The following EPS15 variants were observed in gnomAD, a reference collection of about 807,000 sequenced individuals.
The protein encoded by EPS15 is epidermal growth factor receptor pathway substrate 15, also known as epidermal growth factor receptor substrate 15.
EPS15 carries 72 observed loss-of-function variants against 113.8 expected under a neutral mutation model. That is an observed-to-expected ratio of 0.63 (90% CI 0.52 to 0.77). EPS15 has a LOEUF of 0.77. Among genes scored for constraint, EPS15 ranks in the 30% least tolerant of loss-of-function variants. EPS15 has a pLI of 0.00. For missense variants in EPS15, 1,048 were observed against 1,045.8 expected, an observed-to-expected ratio of 1.00 and a Z score of -0.03; for synonymous variants, 344 against 363.4, an observed-to-expected ratio of 0.95 and a Z score of 0.61.
chr1:51,371,772 G>A (rs1642927886), intron 21 of EPS15, among the ~76,000 whole-genome samples: 1 of 152,206 alleles, frequency 6.6e-6, no homozygotes, highest in Admixed American at 6.5e-5. Flanking sequence ...GTACAGTGAT[G>A]TCTTGGGCCT....
chr1:51,473,827 A>C (rs1198905133), intron 2 of EPS15, among the ~76,000 whole-genome samples: 2 of 152,220 alleles, frequency 1.3e-5, no homozygotes, highest in African/African-American at 4.8e-5. Flanking sequence ...AAGAAGCAAA[A>C]GGGAAAACCT....
intron 15 of EPS15, 104 bp from the exon 16 acceptor site, chr1:51,406,212 A>G: frequency 2.2e-6 from 2 of 921,102 alleles, no homozygotes; most frequent in Middle Eastern, 3.3e-4. Context: ...GTGGTAGCTC[A>G]TGCCTATAAT....
At chr1:51,399,324 G>C (rs1648281696) in intron 19 of EPS15, among the ~76,000 whole-genome samples, 159 bp from the exon 20 acceptor site, 1 of 149,952 alleles carries the variant, frequency 6.7e-6, no homozygotes, top group African/African-American at 2.5e-5. Flanking sequence ...GCTGAGACAG[G>C]CAGATCACTT....
chr1:51,465,217 G>C (rs752202228), intron 6 of EPS15, 44 bp downstream of exon 6: 1 of 1,182,794 alleles, frequency 8.5e-7, no homozygotes, highest in Non-Finnish European at 1.3e-6. Context: ...AGAGTAGATA[G>C]GAAGCAATGA....
At chr1:51,455,149 A>G (rs530225367) in intron 8 of EPS15, among the ~76,000 whole-genome samples, 1 of 152,370 alleles carries the variant, frequency 6.6e-6, no homozygotes, top group East Asian at 1.9e-4. Flanking sequence ...CTAATAAAAC[A>G]AAGAACTATT....
chr1:51,452,321 T>TCA (rs1557483788), intron 8 of EPS15, among the ~76,000 whole-genome samples: 1 of 152,192 alleles, frequency 6.6e-6, no homozygotes, highest in Non-Finnish European at 1.5e-5. Flanking sequence ...CTCACTCTGT[T>TCA]GCCCAGGCTG....
At chr1:51,484,183 T>C (rs886143397) in intron 1 of EPS15, among the ~76,000 whole-genome samples, 2 of 152,208 alleles carry the variant, frequency 1.3e-5, no homozygotes, top group Non-Finnish European at 2.9e-5. Context: ...TGCCCTGGTA[T>C]GCCCAGGAAA....
chr1:51,369,400 GA>G (rs1180513157), intron 21 of EPS15, among the ~76,000 whole-genome samples: 1 of 152,148 alleles, frequency 6.6e-6, no homozygotes, highest in Non-Finnish European at 1.5e-5. Context: ...CACTTTTAGA[GA>G]AACCATGCAG....
intron 1 of EPS15, among the ~76,000 whole-genome samples, chr1:51,502,959 TCCATG>T (rs1227093673): frequency 6.9e-6 from 1 of 145,336 alleles, no homozygotes. Flanking sequence ...TGAGCCAAGA[TCCATG>T]CCACTGAACT....
At chr1:51,379,489 A>C (rs2148377632) in intron 21 of EPS15, among the ~76,000 whole-genome samples, 1 of 152,310 alleles carries the variant, frequency 6.6e-6, no homozygotes, top group South Asian at 2.1e-4. Context: ...AATATATTGA[A>C]GGGTTCGAAA....
chr1:51,375,436 G>A (rs1053123175), intron 21 of EPS15, among the ~76,000 whole-genome samples: 1 of 152,040 alleles, frequency 6.6e-6, no homozygotes, highest in African/African-American at 2.4e-5. Flanking sequence ...CCCCTGTTCC[G>A]TAGGATCAAT....
intron 16 of EPS15, 130 bp from the exon 17 acceptor site, chr1:51,403,662 CCTT>C: frequency 1.9e-6 from 1 of 518,652 alleles, no homozygotes; most frequent in Middle Eastern, 4.7e-4. Flanking sequence ...AATAACTTCT[CCTT>C]CTATAATCTT....
At chr1:51,423,696 A>C (rs1650971531) in intron 12 of EPS15, 1 of 985,300 alleles carries the variant, frequency 1.0e-6, no homozygotes, top group African/African-American at 1.7e-5. Context: ...TGTCACTGAC[A>C]GTGTCTGCTC....
chr1:51,508,342 A>AAGAG (rs1553139587), intron 1 of EPS15, among the ~76,000 whole-genome samples: 44 of 102,830 alleles, frequency 4.3e-4, no homozygotes, highest in African/African-American at 5.3e-4. Context: ...GAAAGAGAGA[A>AAGAG]AGAAAGAAAG....
chr1:51,493,569 TAAATAAATAA>T (rs1644277823), intron 1 of EPS15, among the ~76,000 whole-genome samples: 1 of 146,702 alleles, frequency 6.8e-6, no homozygotes. Flanking sequence ...AATAAATAAA[TAAATAAATAA>T]AAATAAAGCT....
intron 1 of EPS15, among the ~76,000 whole-genome samples, chr1:51,507,920 G>A (rs1240793616): frequency 6.6e-6 from 1 of 152,006 alleles, no homozygotes; most frequent in Non-Finnish European, 1.5e-5. Flanking sequence ...GCTCACGCCT[G>A]TATTTCCAGC....
At chr1:51,486,246 C>T (rs12753800) in intron 1 of EPS15, among the ~76,000 whole-genome samples, 8,680 of 149,896 alleles carry the variant, frequency 0.058, 342 homozygotes, top group Non-Finnish European at 0.086. Flanking sequence ...GGCAACACCT[C>T]GTCTCTACTA....
At chr1:51,500,240 T>C (rs1174869967) in intron 1 of EPS15, among the ~76,000 whole-genome samples, 1 of 152,250 alleles carries the variant, frequency 6.6e-6, no homozygotes, top group Non-Finnish European at 1.5e-5. Context: ...CTGTGGATAA[T>C]GCTGCTATAA....
intron 8 of EPS15, among the ~76,000 whole-genome samples, chr1:51,451,866 G>A (rs72696138): frequency 0.022 from 3,285 of 152,034 alleles, 30 homozygotes; most frequent in Middle Eastern, 0.034. Flanking sequence ...CAGCAACCAC[G>A]AAAAGAAAGC....
Sources: allele counts gnomAD v4.1 joint callset (sites outside exome capture counted in the v4.1 genomes callset), GRCh38; gene constraint gnomAD v4.1.1; transcripts MANE v1.5; gene names NCBI Gene and HGNC (gene_info 2026-07-23, HGNC 2026-07-21).